Variants in CC2D2B observed in about 807,000 individuals in gnomAD.
CC2D2B encodes coiled-coil and C2 domain containing 2B.
Under a neutral mutation model 161.2 loss-of-function variants are expected in CC2D2B, and 128 were observed. The observed-to-expected ratio is 0.79, with a 90% CI of 0.69 to 0.92. The LOEUF (loss-of-function observed/expected upper bound fraction) is 0.92, where lower values mean the gene tolerates loss of function less well. CC2D2B is among the 40% of genes least tolerant of loss of function. The probability of loss-of-function intolerance (pLI) is 0.00; values close to 1 mark genes in which losing one functional copy is unlikely to be tolerated. For missense variants in CC2D2B, 1,173 were observed against 1,375.1 expected (o/e 0.85, Z 2.32); for synonymous variants, 391 against 449.8 (o/e 0.87, Z 1.65).
Position 95,991,188 on chromosome 10 carries a change from A to G in CC2D2B, c.2380-182A>G, listed in dbSNP as rs10882703. ...AAACTAGCTTTGGTGTGACAGTGTC[A>G]AAGTTGGAAATTACTTTAATAATGG... On this transcript the variant is annotated intron_variant, in intron 20 of 34. Transcript: ENST00000646931. Among the ~76,000 whole-genome samples the G allele has an allele frequency of 0.034, 5,236 of 152,348 alleles. 997 individuals carry two copies. The East Asian group carries it at 0.57, about 17-fold the overall frequency.
At chr10:95,967,648 T>G (rs1048938503) in intron 14 of CC2D2B, among the ~76,000 whole-genome samples, 1 of 152,166 alleles carries the variant, frequency 6.6e-6, no homozygotes, top group African/African-American at 2.4e-5. Flanking sequence ...TTAAAATCAA[T>G]TCAACAAACT....
chr10:95,992,608 A>C lies in CC2D2B; in HGVS notation c.2553A>C (p.Thr851=), dbSNP rs978787012. 3 of 1,234,218 alleles carry C rather than the reference A, an allele frequency of 2.4e-6. No homozygotes were observed. The highest frequency in any genetic ancestry group is 8.2e-5 in the South Asian group (2 of 24,420). The allele number at this position is 1,234,218 out of a possible 1,614,324, so 76.5% of individuals were successfully genotyped here. A position where few individuals can be genotyped will look rare whatever the true frequency, so the allele number is the denominator to read the frequency against. ...AGAGGAAAGAAAGGAAAAAAGTCAC[A>C]GCGCAGGCGATCTCTGACGGAGATA... ...KPQRKERKKV[T]AQAISDGDIK... The change falls in exon 22 of 35, where the codon ACA becomes ACC. Residue 851 remains threonine (T), a synonymous_variant. Coordinates refer to ENST00000646931, the MANE Select transcript of CC2D2B (RefSeq NM_001349008.3).
At chr10:95,914,653 A>T (rs2098512677) in intron 2 of CC2D2B, among the ~76,000 whole-genome samples, 1 of 152,000 alleles carries the variant, frequency 6.6e-6, no homozygotes, top group South Asian at 2.1e-4. Context: ...CCCTGCTTGC[A>T]CTCACTCTGT....
chr10:95,997,504 C>T (rs2078276518), intron 24 of CC2D2B, among the ~76,000 whole-genome samples: 1 of 152,126 alleles, frequency 6.6e-6, no homozygotes, highest in Admixed American at 6.6e-5. Context: ...TCTCCTGCCT[C>T]AGCCTCCCAA....
intron 25 of CC2D2B, among the ~76,000 whole-genome samples, chr10:96,006,637 A>G (rs1336633750): frequency 6.6e-6 from 1 of 152,166 alleles, no homozygotes; most frequent in Non-Finnish European, 1.5e-5. Flanking sequence ...CTATTGGACA[A>G]GCTATGTTGC....
At position 96,013,786 on chromosome 10, in the gene CC2D2B, A is replaced by G. The variant is rs778256705; in HGVS notation, c.3427-2A>G. ...ACTCAATAAATGTGAATATTATTCTAGGACCTCATTGCTCGATTTGTATCT... is the reference window on the plus strand; with the variant it reads ...ACTCAATAAATGTGAATATTATTCTGGGACCTCATTGCTCGATTTGTATCT... On this transcript the variant is annotated splice_acceptor_variant, in intron 28 of 34. Coordinates refer to ENST00000646931, the MANE Select transcript of CC2D2B (RefSeq NM_001349008.3). LOFTEE classifies it high-confidence loss of function. 6.3e-7 allele frequency: 1 copy of G among 1,582,812 alleles called. No individual in the cohort carries two copies. Among genetic ancestry groups the G allele is most frequent in the Admixed American group, 1.7e-5 (1 of 58,738 alleles).
At chr10:95,943,088 C>T (rs1313288045) in intron 9 of CC2D2B, among the ~76,000 whole-genome samples, 2 of 152,090 alleles carry the variant, frequency 1.3e-5, no homozygotes. Context: ...AGTTTCTATT[C>T]AGTGTGAAGG....
intron 9 of CC2D2B, among the ~76,000 whole-genome samples, chr10:95,948,210 C>T (rs1348974669): frequency 6.9e-6 from 1 of 144,572 alleles, no homozygotes; most frequent in Non-Finnish European, 1.5e-5. Flanking sequence ...CAATCCTAAG[C>T]CAAAAGAACA....
chr10:95,979,188 C>CCT (rs1218755062), intron 17 of CC2D2B, among the ~76,000 whole-genome samples: 1 of 120,124 alleles, frequency 8.3e-6, no homozygotes, highest in Non-Finnish European at 1.7e-5. Context: ...TTTTTTTTTT[C>CCT]CTCTCTCTCC....
rs2079040647 is a variant in CC2D2B at position 96,012,629 on chromosome 10, A to G, written c.3326A>G (p.Asn1109Ser). The change falls in exon 28 of 35, where the codon AAT becomes AGT. Residue 1109 changes from asparagine to serine, a missense_variant. By Grantham distance (46) the Asn-to-Ser change is conservative. Coordinates refer to ENST00000646931, the MANE Select transcript of CC2D2B (RefSeq NM_001349008.3). The part of the protein sequence containing the change: ...PNRRIVTTVF[N>S]DEGIQFLVTR... Reference sequence around the variant, plus strand: ...CGAAGAATCGTAACTACTGTTTTTAATGATGAAGGGATACAGTTCTTAGTC... The same window carrying G: ...CGAAGAATCGTAACTACTGTTTTTAGTGATGAAGGGATACAGTTCTTAGTC... The G allele has an allele frequency of 1.9e-6, 3 of 1,611,112 alleles. No homozygotes were observed. Among genetic ancestry groups the G allele is most frequent in the Non-Finnish European group, 2.5e-6 (3 of 1,177,454 alleles).
chr10:96,031,773 TAC>T (rs1213207021), intron 34 of CC2D2B, 45 bp from the exon 35 acceptor site: 2 of 1,457,688 alleles, frequency 1.4e-6, no homozygotes, highest in African/African-American at 2.8e-5. Context: ...AATTCCAGAT[TAC>T]CCAGTTGTAA....
At chr10:95,979,297 G>C (rs1451996331) in intron 17 of CC2D2B, among the ~76,000 whole-genome samples, 1 of 151,978 alleles carries the variant, frequency 6.6e-6, no homozygotes, top group African/African-American at 2.4e-5. Flanking sequence ...TGGATAGGTT[G>C]GGAGATTGGG....
intron 9 of CC2D2B, among the ~76,000 whole-genome samples, chr10:95,939,299 A>G (rs1167144187): frequency 1.3e-5 from 2 of 152,148 alleles, no homozygotes; most frequent in Non-Finnish European, 2.9e-5. Context: ...TAGGTACTCT[A>G]TATTGTTGTG....
chr10:95,976,617 G>A (rs2077324269), intron 17 of CC2D2B, among the ~76,000 whole-genome samples: 1 of 152,160 alleles, frequency 6.6e-6, no homozygotes, highest in African/African-American at 2.4e-5. Flanking sequence ...ACTGACTTGT[G>A]GAAGTCAGAG....
chr10:96,015,084 T>A (rs867502324), intron 29 of CC2D2B, among the ~76,000 whole-genome samples: 55 of 151,900 alleles, frequency 3.6e-4, no homozygotes, highest in African/African-American at 1.2e-3. Flanking sequence ...ATTTTTTTTT[T>A]AAATGGAGTC....
In CC2D2B at chr10:95,961,850, C is replaced by T. The variant is rs1293069939; in HGVS notation, c.1131C>T (p.Asp377=). Residue 377 remains aspartate (D), a synonymous_variant, in exon 12 of 35, where the codon GAC becomes GAT. Coordinates refer to ENST00000646931, the MANE Select transcript of CC2D2B (RefSeq NM_001349008.3). ...GTAGTAATACAAAACAGATGTATGA[C>T]TTAGAAAGGGGAAAGGACCTCTCCC... ...WQISNTKQMY[D]LERGKDLSLL... 4 of 1,231,304 alleles carry T rather than the reference C, an allele frequency of 3.2e-6. No individual in the cohort carries two copies. Among genetic ancestry groups the T allele is most frequent in the Non-Finnish European group, 1.0e-6 (1 of 987,534 alleles). 76.3% of individuals were successfully genotyped at this position (1,231,304 alleles called of 1,614,324 possible).
At chr10:95,940,572 T>C (rs1396815062) in intron 9 of CC2D2B, among the ~76,000 whole-genome samples, 1 of 152,158 alleles carries the variant, frequency 6.6e-6, no homozygotes, top group Non-Finnish European at 1.5e-5. Flanking sequence ...TTTCTATGTA[T>C]AGTGGTAGGT....
rs2080111105 is a variant in CC2D2B, at chr10:96,033,025, A to G, written c.*1017A>G. ...TCATTAAAAGAAATGTGTTTATATAATTTACTTACATATGACAAAATAACT... is the reference window on the plus strand; with the variant it reads ...TCATTAAAAGAAATGTGTTTATATAGTTTACTTACATATGACAAAATAACT... On this transcript the variant is annotated 3_prime_UTR_variant, in exon 35 of 35. Transcript: ENST00000646931. Among the ~76,000 whole-genome samples, 1 of 152,190 alleles carries G rather than the reference A, an allele frequency of 6.6e-6. No individual in the cohort carries two copies. The highest frequency in any genetic ancestry group is 1.5e-5 in the Non-Finnish European group (1 of 68,042).
At position 95,995,385 on chromosome 10, in the gene CC2D2B, A is replaced by G. The variant is rs2078191100; in HGVS notation, c.2739+20A>G. 1 of 1,131,514 alleles carries G rather than the reference A, an allele frequency of 8.8e-7. No individual in the cohort carries two copies. The highest frequency in any genetic ancestry group is 1.4e-5 in the South Asian group (1 of 69,296). 70.1% of individuals were successfully genotyped at this position (1,131,514 alleles called of 1,614,324 possible). ...CATGAGGTAAGTATTTAACACTTCTATAAAGTATAATATTGATTATGTTTG... is the reference window on the plus strand; with the variant it reads ...CATGAGGTAAGTATTTAACACTTCTGTAAAGTATAATATTGATTATGTTTG... On this transcript the variant is annotated intron_variant, in intron 23 of 34. Transcript: ENST00000646931.
Sources: allele counts gnomAD v4.1 joint callset (sites outside exome capture counted in the v4.1 genomes callset), GRCh38; gene constraint gnomAD v4.1.1; transcripts MANE v1.5; gene names NCBI Gene and HGNC (gene_info 2026-07-23, HGNC 2026-07-21).